The following ROCK1 variants were observed in gnomAD, a reference collection of about 807,000 sequenced individuals.
The protein encoded by ROCK1 is Rho associated coiled-coil containing protein kinase 1, also known as rho-associated protein kinase 1.
In ROCK1, 36 loss-of-function variants were observed where a neutral mutation model predicts 196.8. That is an observed-to-expected ratio of 0.18 (90% CI 0.14 to 0.24). The LOEUF is 0.24. Among genes scored for constraint, ROCK1 ranks in the 10% least tolerant of loss-of-function variants. The probability of loss-of-function intolerance (pLI) is 1.00; values close to 1 mark genes in which losing one functional copy is unlikely to be tolerated. For missense variants in ROCK1, 920 were observed against 1,562.0 expected, an observed-to-expected ratio of 0.59 and a Z score of 6.93; for synonymous variants, 443 against 515.9, an observed-to-expected ratio of 0.86 and a Z score of 1.91.
intron 2 of ROCK1, among the ~76,000 whole-genome samples, chr18:21,068,212 G>A (rs772002633): frequency 5.3e-5 from 8 of 152,088 alleles, no homozygotes; most frequent in East Asian, 3.8e-4. Flanking sequence ...TTACATTTAC[G>A]TTGATGATCT....
Position 20,959,844 on chromosome 18 carries a change from T to C in ROCK1, c.3508A>G (p.Ile1170Val), listed in dbSNP as rs371281413. 8 of 1,561,688 alleles carry C rather than the reference T, an allele frequency of 5.1e-6. No individual in the cohort carries two copies. Among genetic ancestry groups the C allele is most frequent in the African/African-American group, 2.8e-5 (2 of 72,572 alleles). Residue 1170 changes from isoleucine to valine, a missense_variant, in exon 29 of 33, where the codon ATA (isoleucine) becomes GTA (valine). Physicochemically the swap from Ile to Val is conservative, Grantham distance 29. This residue lies in a region of ROCK1 where 116 missense variants were observed against 204.2 expected (regional missense o/e 0.57). Coordinates refer to ENST00000399799, the MANE Select transcript of ROCK1 (RefSeq NM_005406.3). The part of the protein sequence containing the change: ...EQSNPSMVLD[I>V]DKLFHVRPVT... ...ATTCAATCAAAGGCAACTTACTCTA[T>C]GTCCAATACCATAGATGGATTGGAT... is the stretch of plus-strand genomic sequence containing the variant.
intron 2 of ROCK1, among the ~76,000 whole-genome samples, chr18:21,052,362 T>C (rs1301965536): frequency 6.6e-6 from 1 of 152,214 alleles, no homozygotes; most frequent in African/African-American, 2.4e-5. Flanking sequence ...CTCAGGACTA[T>C]GTATTCACAC....
chr18:21,030,479 A>G (rs1385605025), intron 9 of ROCK1, among the ~76,000 whole-genome samples: 1 of 152,194 alleles, frequency 6.6e-6, no homozygotes, highest in Non-Finnish European at 1.5e-5. Context: ...TATATCAGAA[A>G]GAGAGAACAG....
rs112835939 is a variant in ROCK1 at position 20,960,290 on chromosome 18, C to T, written c.3353-84G>A. The stretch of plus-strand genomic sequence containing the variant: ...TTAAAAGTTGTCTGACAGCATGCAG[C>T]AACAAGCAATTGAACACAACTAAAT... On this transcript the variant is annotated intron_variant, in intron 27 of 32. Transcript: ENST00000399799. 2.9e-4 allele frequency: 237 copies of T among 824,428 alleles called. 1 individual carries two copies. In the African/African-American group the frequency reaches 3.4e-3, roughly 12 times the overall value. The allele number at this position is 824,428 out of a possible 1,614,324, so 51.1% of individuals were successfully genotyped here.
At chr18:21,039,413 A>G in intron 9 of ROCK1, 59 bp downstream of exon 9, 1 of 1,264,490 alleles carries the variant, frequency 7.9e-7, no homozygotes, top group African/African-American at 1.5e-5. Flanking sequence ...TAGTTTCAAC[A>G]AACTACCACA....
intron 1 of ROCK1, among the ~76,000 whole-genome samples, chr18:21,107,926 C>T (rs879597904): frequency 1.3e-5 from 2 of 151,964 alleles, no homozygotes; most frequent in Admixed American, 6.6e-5. Flanking sequence ...TGGTAGTGCA[C>T]GCGTGTAATC....
chr18:21,014,400 GT>G (rs1355013256), intron 13 of ROCK1, among the ~76,000 whole-genome samples: 1 of 152,060 alleles, frequency 6.6e-6, no homozygotes, highest in Non-Finnish European at 1.5e-5. Flanking sequence ...AATGTTTAGG[GT>G]TTTTAGCTGT....
In ROCK1 at chr18:20,954,832, G is replaced by A. The variant is rs1472768572; in HGVS notation, c.3804C>T (p.Cys1268=). 6.2e-7 allele frequency: 1 copy of A among 1,613,896 alleles called. No individual in the cohort carries two copies. The highest frequency in any genetic ancestry group is 1.7e-5 in the Admixed American group (1 of 60,014). Residue 1268 remains cysteine (C), a synonymous_variant, in exon 31 of 33, where the codon TGC becomes TGT. Coordinates refer to ENST00000399799, the MANE Select transcript of ROCK1 (RefSeq NM_005406.3). The part of the protein sequence containing the change: ...ALECRRCHVK[C]HRDHLDKKED... ...CTTTCTTATCTAAGTGATCTCTGTG[G>A]CACTTAACATGGCATCTTCGACACT... is the stretch of plus-strand genomic sequence containing the variant.
At chr18:21,017,875 A>C (rs1046799336) in intron 12 of ROCK1, among the ~76,000 whole-genome samples, 3 of 151,986 alleles carry the variant, frequency 2.0e-5, no homozygotes, top group Non-Finnish European at 2.9e-5. Context: ...CGGGAGGCTG[A>C]GGCAGGAGAA....
chr18:20,975,143 A>G (rs2035467740), intron 22 of ROCK1, among the ~76,000 whole-genome samples: 1 of 152,214 alleles, frequency 6.6e-6, no homozygotes. Context: ...AGGTAAGAAA[A>G]TTATATATTA....
At chr18:21,064,422 A>G (rs1463311136) in intron 2 of ROCK1, among the ~76,000 whole-genome samples, 2 of 152,210 alleles carry the variant, frequency 1.3e-5, no homozygotes, top group African/African-American at 4.8e-5. Flanking sequence ...TTCTACTATT[A>G]TAAGGTATAT....
chr18:21,027,850 C>G (rs2035973220), intron 10 of ROCK1, among the ~76,000 whole-genome samples: 1 of 143,540 alleles, frequency 7.0e-6, no homozygotes, highest in South Asian at 2.3e-4. Context: ...CAAGCTCCGC[C>G]TCCCGGGTTC....
At chr18:20,988,360 A>G (rs1598518988) in intron 18 of ROCK1, among the ~76,000 whole-genome samples, 1 of 151,450 alleles carries the variant, frequency 6.6e-6, no homozygotes, top group Non-Finnish European at 1.5e-5. Flanking sequence ...GGGTCCCCGC[A>G]CCCGGCCTCT....
At chr18:20,958,298 A>C (rs1286443898) in intron 29 of ROCK1, among the ~76,000 whole-genome samples, 1 of 152,146 alleles carries the variant, frequency 6.6e-6, no homozygotes, top group East Asian at 1.9e-4. Flanking sequence ...CCAGCTCCAC[A>C]AATACTTAAT....
At chr18:21,023,277 ACT>A (rs780370220) in intron 11 of ROCK1, among the ~76,000 whole-genome samples, 66 of 152,036 alleles carry the variant, frequency 4.3e-4, no homozygotes, top group Admixed American at 2.2e-3. Flanking sequence ...TACACACAAA[ACT>A]CTCTGTTTAA....
At chr18:21,105,277 T>C (rs2036694003) in intron 1 of ROCK1, among the ~76,000 whole-genome samples, 1 of 152,174 alleles carries the variant, frequency 6.6e-6, no homozygotes, top group East Asian at 1.9e-4. Context: ...ATACAAAGAT[T>C]TGCTGAATGA....
intron 1 of ROCK1, among the ~76,000 whole-genome samples, chr18:21,103,863 T>C (rs1429208105): frequency 1.3e-5 from 2 of 152,214 alleles, no homozygotes; most frequent in African/African-American, 4.8e-5. Flanking sequence ...AGAGATTTAA[T>C]AGCAAAACAA....
intron 2 of ROCK1, among the ~76,000 whole-genome samples, chr18:21,060,629 C>T (rs1240292452): frequency 1.3e-5 from 2 of 152,044 alleles, no homozygotes; most frequent in East Asian, 1.9e-4. Context: ...CACCTGAGGT[C>T]GGGAATTTAA....
chr18:21,024,687 TTAAG>T (rs1175021441), intron 10 of ROCK1, among the ~76,000 whole-genome samples: 2 of 152,220 alleles, frequency 1.3e-5, no homozygotes, highest in Non-Finnish European at 2.9e-5. Context: ...CAAGTATCCA[TTAAG>T]TATCAATAAA....
Sources: allele counts gnomAD v4.1 joint callset (sites outside exome capture counted in the v4.1 genomes callset), GRCh38; gene constraint gnomAD v4.1.1; regional missense constraint gnomAD v4.1.1; transcripts MANE v1.5; gene names NCBI Gene and HGNC (gene_info 2026-07-23, HGNC 2026-07-21).